Variants in VWDE observed in about 807,000 individuals in gnomAD.
The protein encoded by VWDE is von Willebrand factor D and EGF domains, also known as von Willebrand factor D and EGF domain-containing protein.
In VWDE, 207 loss-of-function variants were observed where a neutral mutation model predicts 178.4. The ratio of observed to expected loss-of-function variants is 1.16; its 90% CI spans 1.04 to 1.30. VWDE has a LOEUF of 1.30. Among genes scored for constraint, VWDE ranks in the 50% most tolerant of loss-of-function variants. The probability of loss-of-function intolerance (pLI) is 0.00; values close to 1 mark genes in which losing one functional copy is unlikely to be tolerated. For synonymous variants in VWDE, 738 were observed against 651.4 expected (o/e 1.13, Z -2.02); for missense variants, 2,287 against 1,901.3 (o/e 1.20, Z -3.77).
intron 19 of VWDE, among the ~76,000 whole-genome samples, chr7:12,348,507 A>T (rs1023602286): frequency 2.3e-4 from 35 of 150,902 alleles, no homozygotes; most frequent in Middle Eastern, 3.4e-3. Context: ...AGAGAAATGC[A>T]AATCAAAACC....
chr7:12,347,836 A>G (rs558230938), intron 19 of VWDE, among the ~76,000 whole-genome samples: 3 of 152,106 alleles, frequency 2.0e-5, no homozygotes, highest in Admixed American at 1.3e-4. Flanking sequence ...CTACAAGGCT[A>G]CAGTAACCAA....
intron 22 of VWDE, among the ~76,000 whole-genome samples, chr7:12,342,828 C>T (rs1252103921): frequency 1.3e-5 from 2 of 151,372 alleles, no homozygotes; most frequent in African/African-American, 4.9e-5. Context: ...GCCATCCCTC[C>T]CCCATCCCCC....
chr7:12,379,572 G>A lies in VWDE; in HGVS notation c.790-6C>T, dbSNP rs1175146124. 1.3e-6 allele frequency: 2 copies of A among 1,522,294 alleles called. No individual in the cohort carries two copies. Among genetic ancestry groups the A allele is most frequent in the South Asian group, 2.5e-5 (2 of 79,088 alleles). The allele number at this position is 1,522,294 out of a possible 1,614,324, so 94.3% of individuals were successfully genotyped here. On this transcript the variant is annotated splice_region_variant and splice_polypyrimidine_tract_variant and intron_variant, in intron 5 of 28. Coordinates refer to ENST00000275358, the MANE Select transcript of VWDE (RefSeq NM_001135924.3). ...ACAGAAGCGCTGCAGAATATCTATG[G>A]ATATAATTAAAAAATAATCACTTAG...
intron 6 of VWDE, among the ~76,000 whole-genome samples, chr7:12,378,920 T>C (rs6948654): frequency 1.9e-4 from 29 of 152,066 alleles, no homozygotes; most frequent in Non-Finnish European, 3.4e-4. Flanking sequence ...TCACCGTGCT[T>C]GCCTGCCTGG....
chr7:12,388,420 T>C (rs1448864212), intron 3 of VWDE, among the ~76,000 whole-genome samples: 2 of 152,140 alleles, frequency 1.3e-5, no homozygotes, highest in African/African-American at 2.4e-5. Flanking sequence ...CCCAATTATT[T>C]GGAAACAACT....
chr7:12,361,466 T>C lies in VWDE; in HGVS notation c.2954A>G (p.His985Arg), dbSNP rs984760122. 34 of 1,551,244 alleles carry C rather than the reference T, an allele frequency of 2.2e-5. No individual in the cohort carries two copies. Among genetic ancestry groups the C allele is most frequent in the Non-Finnish European group, 2.8e-5 (32 of 1,146,652 alleles). ...GEPIYTQTVF[H>R]NSRAVDCQLP... ...CTGACAATCAACAGCTCTGCTATTG[T>C]GGAAAACAGTCTGTGTATAGATGGG... Residue 985 changes from histidine (H) to arginine (R), a missense_variant, in exon 14 of 29, where the codon CAC (histidine) becomes CGC (arginine). Transcript: ENST00000275358.
At chr7:12,342,671 A>G (rs1285426828) in intron 22 of VWDE, among the ~76,000 whole-genome samples, 3 of 150,640 alleles carry the variant, frequency 2.0e-5, no homozygotes, top group Non-Finnish European at 3.0e-5. Flanking sequence ...TCCATTTTCT[A>G]TTATTATGAT....
At chr7:12,394,406 G>C (rs868429795) in intron 1 of VWDE, among the ~76,000 whole-genome samples, 1 of 152,084 alleles carries the variant, frequency 6.6e-6, no homozygotes, top group Non-Finnish European at 1.5e-5. Flanking sequence ...AGGTTTGAAG[G>C]GGAAACAAGA....
At chr7:12,336,760 G>A (rs1341964056) in intron 26 of VWDE, among the ~76,000 whole-genome samples, 1 of 151,992 alleles carries the variant, frequency 6.6e-6, no homozygotes, top group Non-Finnish European at 1.5e-5. Context: ...AAGTGCAGTA[G>A]AAAAACTGAA....
chr7:12,365,950 A>C, intron 13 of VWDE, among the ~76,000 whole-genome samples: 1 of 152,062 alleles, frequency 6.6e-6, no homozygotes, highest in East Asian at 1.9e-4. Flanking sequence ...AGGGAGGGAC[A>C]TAGTGGGAGT....
intron 16 of VWDE, among the ~76,000 whole-genome samples, chr7:12,357,851 C>G (rs1437144709): frequency 6.6e-6 from 1 of 152,106 alleles, no homozygotes. Flanking sequence ...TCACTACTCT[C>G]TCTCTCTCTG....
At chr7:12,344,833 G>C (rs1024722511) in intron 19 of VWDE, among the ~76,000 whole-genome samples, 7 of 152,048 alleles carry the variant, frequency 4.6e-5, no homozygotes, top group African/African-American at 1.7e-4. Context: ...GAAAGAGTTG[G>C]AAAGATTACA....
Position 12,377,918 on chromosome 7 carries a change from T to A in VWDE, c.882A>T (p.Leu294=). The A allele has an allele frequency of 7.1e-7, 1 of 1,410,462 alleles. No individual in the cohort carries two copies. 87.4% of individuals were successfully genotyped at this position (1,410,462 alleles called of 1,614,324 possible). ...CTGATATAGTGCTCAATTCAGGCTG[T>A]AGCTGGTATAAGAAAATACGTAGAA... ...ESQEFFAGFK[L]QPELSTISED... Residue 294 remains leucine, a splice_region_variant and synonymous_variant, in exon 7 of 29, where the codon CTA becomes CTT. Coordinates refer to ENST00000275358, the MANE Select transcript of VWDE (RefSeq NM_001135924.3).
intron 23 of VWDE, among the ~76,000 whole-genome samples, 155 bp downstream of exon 23, chr7:12,341,904 T>A (rs777117758): frequency 6.6e-6 from 1 of 152,186 alleles, no homozygotes; most frequent in African/African-American, 2.4e-5. Context: ...GGAATGAAGA[T>A]GAAAGAGTTT....
chr7:12,374,644 C>A, intron 9 of VWDE, 45 bp downstream of exon 9: 2 of 1,336,156 alleles, frequency 1.5e-6, no homozygotes, highest in South Asian at 1.4e-5. Context: ...ACAACAAAAT[C>A]AAAGCAAACA....
chr7:12,337,386 TA>T (rs1781104359), intron 24 of VWDE, 114 bp from the exon 25 acceptor site: 1 of 918,336 alleles, frequency 1.1e-6, no homozygotes, highest in African/African-American at 1.6e-5. Context: ...AATGTGCTAT[TA>T]AAATAAAAGA....
Position 12,357,260 on chromosome 7 carries a change from A to G in VWDE, c.3525+5T>C. 6.4e-7 allele frequency: 1 copy of G among 1,551,246 alleles called. No individual in the cohort carries two copies. The highest frequency in any genetic ancestry group is 8.7e-7 in the Non-Finnish European group (1 of 1,146,314). On this transcript the variant is annotated splice_donor_5th_base_variant and intron_variant, in intron 17 of 28. Transcript: ENST00000275358. The stretch of plus-strand genomic sequence containing the variant: ...CAGTGGCACTTATGTAATTATAAAG[A>G]TTACCTCAATCGTGACTCTAGTTTC...
At chr7:12,383,109 A>G (rs1280710051) in intron 4 of VWDE, among the ~76,000 whole-genome samples, 3 of 151,962 alleles carry the variant, frequency 2.0e-5, no homozygotes, top group African/African-American at 7.2e-5. Flanking sequence ...TATCAGAAAT[A>G]TTGACTCAAT....
intron 24 of VWDE, among the ~76,000 whole-genome samples, chr7:12,337,512 T>G (rs1056352786): frequency 6.6e-6 from 1 of 152,156 alleles, no homozygotes; most frequent in Non-Finnish European, 1.5e-5. Flanking sequence ...ACAAATTGAG[T>G]CTTTCATATT....
Sources: gnomAD v4.1 joint callset for allele counts (sites outside exome capture counted in the v4.1 genomes callset) on GRCh38, gnomAD v4.1.1 for gene constraint, MANE v1.5 for transcripts, NCBI Gene and HGNC (gene_info 2026-07-23, HGNC 2026-07-21) for gene names.